The following IPCEF1 variants were observed in gnomAD, a reference collection of about 807,000 sequenced individuals.
The protein encoded by IPCEF1 is interaction protein for cytohesin exchange factors 1, also known as interactor protein for cytohesin exchange factors 1.
In IPCEF1, 31 loss-of-function variants were observed where a neutral mutation model predicts 50.9. The ratio of observed to expected loss-of-function variants is 0.61; its 90% CI spans 0.46 to 0.82. The LOEUF is 0.82. Among genes scored for constraint, IPCEF1 ranks in the 40% least tolerant of loss-of-function variants. The pLI, the probability that IPCEF1 is intolerant of heterozygous loss-of-function variation, is 0.00. For synonymous variants in IPCEF1, 181 were observed against 192.0 expected (o/e 0.94, Z 0.47); for missense variants, 458 against 514.0 (o/e 0.89, Z 1.05).
In IPCEF1 at chr6:154,198,414, T is replaced by C. The variant is rs574227716; in HGVS notation, c.910+1254A>G. The stretch of plus-strand genomic sequence containing the variant: ...TATGCTACTCATTCACCTCTAGAAA[T>C]AGGTTGGTTTGCCAGACTTTATTTA... On this transcript the variant is annotated intron_variant, in intron 10 of 11. Transcript: ENST00000367220. Among the ~76,000 whole-genome samples, 4 of 152,190 alleles carry C rather than the reference T, an allele frequency of 2.6e-5. No homozygotes were observed. In the South Asian group the frequency reaches 6.2e-4, roughly 24 times the overall value.
chr6:154,183,915 A>G (rs1256534291), intron 10 of IPCEF1, among the ~76,000 whole-genome samples: 1 of 152,080 alleles, frequency 6.6e-6, no homozygotes, highest in East Asian at 1.9e-4. Context: ...AAAAAAACAA[A>G]AAACAAAGCA....
chr6:154,345,239 CTA>C lies in IPCEF1; in HGVS notation c.-62+11431_-62+11432del, dbSNP rs1428264736. On this transcript the variant is annotated intron_variant, in intron 1 of 11. Coordinates refer to ENST00000367220, the MANE Select transcript of IPCEF1 (RefSeq NM_001130700.2). ...TAAATTAGTAAGATATTTGTAGTAA[CTA>C]TTATTTTCTAATACTTATTTTATAT... is the stretch of plus-strand genomic sequence containing the variant. 3.9e-5 allele frequency among the ~76,000 whole-genome samples: 6 copies of C among 152,158 alleles called. No individual in the cohort carries two copies. In the East Asian group the frequency reaches 5.8e-4, roughly 15 times the overall value.
chr6:154,286,210 G>A (rs1224542525), intron 2 of IPCEF1, among the ~76,000 whole-genome samples: 4 of 152,154 alleles, frequency 2.6e-5, no homozygotes, highest in Non-Finnish European at 4.4e-5. Flanking sequence ...GGGTGGCAAG[G>A]GGAGGGAGAG....
At chr6:154,297,026 ATTTCTTTTTTTCT>A (rs1220229934) in intron 1 of IPCEF1, among the ~76,000 whole-genome samples, 3 of 151,474 alleles carry the variant, frequency 2.0e-5, no homozygotes, top group African/African-American at 7.3e-5. Context: ...AAGTCATTAC[ATTTCTTTTTTTCT>A]TTTCTTTTCT....
chr6:154,349,117 GT>G (rs1784081054), intron 1 of IPCEF1, among the ~76,000 whole-genome samples: 1 of 151,944 alleles, frequency 6.6e-6, no homozygotes, highest in Admixed American at 6.6e-5. Context: ...TTAAATTAAG[GT>G]TCCTGGGAAA....
chr6:154,355,209 C>T (rs1367491113), intron 1 of IPCEF1, among the ~76,000 whole-genome samples: 1 of 152,166 alleles, frequency 6.6e-6, no homozygotes, highest in Non-Finnish European at 1.5e-5. Flanking sequence ...AATTTCTTAT[C>T]TCTTATTGCC....
chr6:154,303,175 T>C (rs1474328290), intron 1 of IPCEF1, among the ~76,000 whole-genome samples: 1 of 140,616 alleles, frequency 7.1e-6, no homozygotes, highest in Non-Finnish European at 1.5e-5. Context: ...CACTGCAACC[T>C]CTGCCTCCCA....
intron 1 of IPCEF1, among the ~76,000 whole-genome samples, chr6:154,354,993 T>G (rs1784189710): frequency 2.8e-5 from 4 of 145,300 alleles, no homozygotes. Context: ...TTAGGATTTT[T>G]CTTCACACAC....
chr6:154,247,170 T>C, intron 4 of IPCEF1: 1 of 454,188 alleles, frequency 2.2e-6, no homozygotes, highest in Admixed American at 3.7e-5. Flanking sequence ...ATGCAATAGA[T>C]GTTGAAGGGT....
chr6:154,258,106 C>G (rs944521385), intron 3 of IPCEF1, among the ~76,000 whole-genome samples: 18 of 152,222 alleles, frequency 1.2e-4, no homozygotes, highest in African/African-American at 4.3e-4. Context: ...CTTACTCATC[C>G]TCTGAGATCC....
chr6:154,287,722 A>G (rs932248921), intron 2 of IPCEF1, among the ~76,000 whole-genome samples: 3 of 152,236 alleles, frequency 2.0e-5, no homozygotes, highest in African/African-American at 7.2e-5. Context: ...TGCTCTTACT[A>G]GATGCCCACT....
intron 1 of IPCEF1, among the ~76,000 whole-genome samples, chr6:154,294,176 T>C (rs890247026): frequency 2.6e-5 from 4 of 152,228 alleles, no homozygotes; most frequent in Admixed American, 1.3e-4. Context: ...AATTCTTTTA[T>C]TCAACTTTGA....
At chr6:154,288,667 C>CAAAAAAAAAAAAAAAAAA (rs552235190) in intron 2 of IPCEF1, among the ~76,000 whole-genome samples, 1 of 112,650 alleles carries the variant, frequency 8.9e-6, no homozygotes, top group Non-Finnish European at 1.9e-5. Context: ...GTCTAAAAAA[C>CAAAAAAAAAAAAAAAAAA]AAAAAAAACA....
intron 5 of IPCEF1, among the ~76,000 whole-genome samples, chr6:154,235,522 A>G (rs1259868078): frequency 8.4e-6 from 1 of 118,950 alleles, no homozygotes; most frequent in Non-Finnish European, 1.6e-5. Flanking sequence ...CAAGAGCAAA[A>G]CTCTGTCACA....
intron 2 of IPCEF1, among the ~76,000 whole-genome samples, chr6:154,275,817 C>T (rs879025845): frequency 1.5e-4 from 23 of 152,106 alleles, no homozygotes; most frequent in Non-Finnish European, 2.8e-4. Flanking sequence ...AGCTGTCAGC[C>T]GCTTGCACCC....
intron 1 of IPCEF1, among the ~76,000 whole-genome samples, chr6:154,301,657 T>C (rs753493383): frequency 7.2e-5 from 11 of 152,144 alleles, no homozygotes; most frequent in Non-Finnish European, 1.3e-4. Context: ...TATTGAGCCC[T>C]GGGACTTCGG....
chr6:154,233,998 T>TA (rs1451535485), intron 5 of IPCEF1, among the ~76,000 whole-genome samples: 1 of 152,074 alleles, frequency 6.6e-6, no homozygotes, highest in African/African-American at 2.4e-5. Flanking sequence ...CTCTTGAGGC[T>TA]AGGAGTTCAA....
At chr6:154,330,322 C>A (rs1783626204) in intron 1 of IPCEF1, among the ~76,000 whole-genome samples, 1 of 138,828 alleles carries the variant, frequency 7.2e-6, no homozygotes, top group African/African-American at 2.7e-5. Context: ...ACAATTATAG[C>A]CTCTTTTTTT....
chr6:154,175,020 A>T (rs1360461270), intron 10 of IPCEF1, among the ~76,000 whole-genome samples: 1 of 152,182 alleles, frequency 6.6e-6, no homozygotes, highest in Admixed American at 6.5e-5. Flanking sequence ...TAAGAAACTC[A>T]CTCCAAACTG....
Sources: gnomAD v4.1 joint callset for allele counts (sites outside exome capture counted in the v4.1 genomes callset) on GRCh38, gnomAD v4.1.1 for gene constraint, MANE v1.5 for transcripts, NCBI Gene and HGNC (gene_info 2026-07-23, HGNC 2026-07-21) for gene names.